RAD51B: variants seen among roughly 807,000 people sequenced by gnomAD.
RAD51B encodes RAD51 paralog B.
In RAD51B, 38 loss-of-function variants were observed where a neutral mutation model predicts 42.2. The observed-to-expected ratio is 0.90, with a 90% CI of 0.70 to 1.18. The LOEUF (loss-of-function observed/expected upper bound fraction) is 1.18. Ranked by LOEUF, RAD51B falls within the 50% of genes most tolerant of loss-of-function variation. RAD51B has a pLI of 0.00. For missense variants in RAD51B, 373 were observed against 400.7 expected, an observed-to-expected ratio of 0.93 and a Z score of 0.59; for synonymous variants, 154 against 145.2, an observed-to-expected ratio of 1.06 and a Z score of -0.43.
At chr14:68,180,124 A>G (rs769862895) in intron 7 of RAD51B, among the ~76,000 whole-genome samples, 30 of 152,310 alleles carry the variant, frequency 2.0e-4, no homozygotes, top group Middle Eastern at 6.8e-3. Flanking sequence ...GCCTAGTTCC[A>G]TAAGTCACCC....
intron 10 of RAD51B, among the ~76,000 whole-genome samples, chr14:68,647,275 CA>C (rs1379287233): frequency 1.3e-5 from 2 of 152,098 alleles, no homozygotes; most frequent in African/African-American, 4.8e-5. Flanking sequence ...ATTGCATTGG[CA>C]AAAACTTCAA....
intron 7 of RAD51B, among the ~76,000 whole-genome samples, chr14:68,058,903 C>T (rs894114034): frequency 6.6e-6 from 1 of 152,080 alleles, no homozygotes; most frequent in Non-Finnish European, 1.5e-5. Context: ...CAACACCTGC[C>T]AATTGAAGAT....
At chr14:68,026,692 A>C (rs577497174) in intron 7 of RAD51B, among the ~76,000 whole-genome samples, 1 of 151,766 alleles carries the variant, frequency 6.6e-6, no homozygotes, top group South Asian at 2.1e-4. Context: ...TTCCATTTGC[A>C]TGCTAGATCT....
chr14:68,185,638 C>A (rs1361141795), intron 7 of RAD51B, among the ~76,000 whole-genome samples: 2 of 151,032 alleles, frequency 1.3e-5, no homozygotes, highest in African/African-American at 2.4e-5. Flanking sequence ...CACCAGGGAC[C>A]AGTTTTGTGG....
At chr14:68,479,067 C>T (rs1011493553), downstream of RAD51B, among the ~76,000 whole-genome samples, 4 of 152,084 alleles carry the variant, frequency 2.6e-5, no homozygotes, top group Admixed American at 6.5e-5. Flanking sequence ...TGCTGTGCAT[C>T]GGAAGGCAAG....
chr14:68,308,190 C>G (rs2081905458), intron 8 of RAD51B, among the ~76,000 whole-genome samples: 1 of 151,906 alleles, frequency 6.6e-6, no homozygotes, highest in Admixed American at 6.6e-5. Flanking sequence ...CCTGAAGGAC[C>G]CTTTATTAGG....
At chr14:68,031,155 G>A (rs1450168985) in intron 7 of RAD51B, among the ~76,000 whole-genome samples, 1 of 152,184 alleles carries the variant, frequency 6.6e-6, no homozygotes, top group African/African-American at 2.4e-5. Flanking sequence ...CATGTGGCTG[G>A]GGAAGCCTCA....
intron 11 of RAD51B, among the ~76,000 whole-genome samples, chr14:68,674,665 T>C (rs1473525032): frequency 6.6e-6 from 1 of 152,174 alleles, no homozygotes; most frequent in African/African-American, 2.4e-5. Context: ...TACTTTCATT[T>C]GTTGTATGCC....
chr14:68,487,111 C>T (rs1883684816), intron 10 of RAD51B, among the ~76,000 whole-genome samples: 1 of 152,202 alleles, frequency 6.6e-6, no homozygotes, highest in Admixed American at 6.5e-5. Context: ...TCTGCTCAGG[C>T]TGCATAAAAG....
At chr14:68,318,920 G>A (rs1490974231) in intron 8 of RAD51B, among the ~76,000 whole-genome samples, 1 of 152,058 alleles carries the variant, frequency 6.6e-6, no homozygotes, top group Non-Finnish European at 1.5e-5. Flanking sequence ...AAAAGCAAGG[G>A]GTCAGTACTC....
chr14:68,591,385 C>A (rs1031011721), intron 10 of RAD51B, among the ~76,000 whole-genome samples: 1 of 152,228 alleles, frequency 6.6e-6, no homozygotes, highest in Non-Finnish European at 1.5e-5. Flanking sequence ...ATCACAGATT[C>A]ATGAATAAAG....
intron 7 of RAD51B, among the ~76,000 whole-genome samples, chr14:68,256,818 A>G (rs915110776): frequency 6.6e-6 from 1 of 152,216 alleles, no homozygotes; most frequent in African/African-American, 2.4e-5. Context: ...TGGCACAGGA[A>G]GCGATTGAAT....
chr14:68,296,200 CTG>C (rs2081610626), intron 8 of RAD51B, among the ~76,000 whole-genome samples: 2 of 152,124 alleles, frequency 1.3e-5, no homozygotes, highest in South Asian at 4.1e-4. Context: ...ATGATCTTAA[CTG>C]TTAGAGCTGG....
chr14:68,655,427 C>G (rs973786972), intron 11 of RAD51B, among the ~76,000 whole-genome samples: 1 of 152,084 alleles, frequency 6.6e-6, no homozygotes, highest in Non-Finnish European at 1.5e-5. Context: ...GGGAAGCGAG[C>G]TACTTCTTTC....
intron 9 of RAD51B, among the ~76,000 whole-genome samples, chr14:68,433,824 T>C (rs2085077593): frequency 1.3e-5 from 2 of 152,212 alleles, no homozygotes; most frequent in Non-Finnish European, 2.9e-5. Flanking sequence ...AGAGGCACTC[T>C]GATTTTTAGA....
intron 4 of RAD51B, among the ~76,000 whole-genome samples, chr14:67,837,274 A>C (rs545315248): frequency 6.6e-6 from 1 of 152,320 alleles, no homozygotes; most frequent in Admixed American, 6.5e-5. Flanking sequence ...CCACTTGCTT[A>C]AACAAGGTTT....
chr14:67,895,045 G>A (rs761001021), intron 7 of RAD51B, among the ~76,000 whole-genome samples: 15 of 152,146 alleles, frequency 9.9e-5, no homozygotes, highest in Non-Finnish European at 1.9e-4. Flanking sequence ...AAAGTTCTAG[G>A]ATTATAGGCA....
chr14:68,299,150 T>C (rs778096527), intron 8 of RAD51B, among the ~76,000 whole-genome samples: 23 of 151,988 alleles, frequency 1.5e-4, no homozygotes, highest in Non-Finnish European at 2.8e-4. Context: ...AAAACCTTTA[T>C]TCCATTTTCT....
chr14:68,573,414 G>T (rs1464869893), intron 10 of RAD51B, among the ~76,000 whole-genome samples: 2 of 152,100 alleles, frequency 1.3e-5, no homozygotes, highest in Non-Finnish European at 2.9e-5. Context: ...ATTGCTCCCT[G>T]CCTCCTCACT....
Sources: gnomAD v4.1 joint callset for allele counts (sites outside exome capture counted in the v4.1 genomes callset) on GRCh38, gnomAD v4.1.1 for gene constraint, MANE v1.5 for transcripts, NCBI Gene and HGNC (gene_info 2026-07-23, HGNC 2026-07-21) for gene names.